The following COL9A1 variants were observed in gnomAD, a reference collection of about 807,000 sequenced individuals.
COL9A1 encodes the protein collagen alpha-1(IX) chain.
In COL9A1, 104 loss-of-function variants were observed where a neutral mutation model predicts 142.6. The ratio of observed to expected loss-of-function variants is 0.73; its 90% CI spans 0.62 to 0.86. The LOEUF is 0.86. COL9A1 is among the 40% of genes least tolerant of loss of function. COL9A1 has a pLI of 0.00. For missense variants in COL9A1, 1,210 were observed against 1,176.6 expected (o/e 1.03, Z -0.42); for synonymous variants, 466 against 396.0 (o/e 1.18, Z -2.10).
chr6:70,234,925 C>A lies in COL9A1; in HGVS notation c.2128G>T (p.Glu710Ter). The change falls in exon 34 of 38, where the codon GAA (glutamate) becomes TAA (stop). Residue 710 changes from glutamate to a stop codon, truncating the protein, a stop_gained. Coordinates refer to ENST00000357250, the MANE Select transcript of COL9A1 (RefSeq NM_001851.6). LOFTEE classifies it high-confidence loss of function. ...GPKGSAGNPG[E>*]PGLRGPEGSR... ...CCCTCAGGCCCTCTCAAGCCAGGTTCCCCAGGATTACCTGCCTGGAACACA... is the reference window on the plus strand; with the variant it reads ...CCCTCAGGCCCTCTCAAGCCAGGTTACCCAGGATTACCTGCCTGGAACACA... The A allele has an allele frequency of 6.2e-7, 1 of 1,614,154 alleles. No individual in the cohort carries two copies. The highest frequency in any genetic ancestry group is 8.5e-7 in the Non-Finnish European group (1 of 1,180,018).
At chr6:70,292,207 A>G (rs1003653497) in intron 5 of COL9A1, among the ~76,000 whole-genome samples, 1 of 152,120 alleles carries the variant, frequency 6.6e-6, no homozygotes, top group Non-Finnish European at 1.5e-5. Context: ...TATCATTGTC[A>G]CTGTCACACC....
intron 5 of COL9A1, among the ~76,000 whole-genome samples, chr6:70,288,560 C>T (rs1773541696): frequency 6.6e-6 from 1 of 152,184 alleles, no homozygotes; most frequent in Admixed American, 6.5e-5. Context: ...CACAATTTCT[C>T]AACCACATCT....
chr6:70,297,071 T>G (rs1211513362), intron 4 of COL9A1, among the ~76,000 whole-genome samples: 1 of 152,126 alleles, frequency 6.6e-6, no homozygotes, highest in Non-Finnish European at 1.5e-5. Flanking sequence ...CAACCTGAAG[T>G]TAACTGAGGG....
At chr6:70,293,061 A>C (rs1305787715) in intron 5 of COL9A1, among the ~76,000 whole-genome samples, 1 of 152,232 alleles carries the variant, frequency 6.6e-6, no homozygotes, top group Non-Finnish European at 1.5e-5. Context: ...CAATTCCATT[A>C]CTGAAATCCC....
At chr6:70,260,947 A>T in intron 19 of COL9A1, 1 of 442,584 alleles carries the variant, frequency 2.3e-6, no homozygotes. Flanking sequence ...AGTTGACAAA[A>T]TCACTTATGA....
intron 4 of COL9A1, among the ~76,000 whole-genome samples, chr6:70,298,080 C>A (rs915305840): frequency 2.0e-5 from 3 of 152,186 alleles, no homozygotes; most frequent in Admixed American, 6.5e-5. Flanking sequence ...GAGCAATTCC[C>A]ATCCCTAGTC....
intron 19 of COL9A1, chr6:70,260,953 T>A: frequency 2.3e-6 from 1 of 430,124 alleles, no homozygotes; most frequent in Middle Eastern, 6.8e-4. Context: ...CAAAATCACT[T>A]ATGACAAAAA....
chr6:70,254,665 C>T, intron 24 of COL9A1, 136 bp from the exon 25 acceptor site: 3 of 649,660 alleles, frequency 4.6e-6, no homozygotes, highest in Admixed American at 2.3e-5. Flanking sequence ...TATAAAGTGA[C>T]TTAATTTAGG....
chr6:70,291,435 A>AT (rs535262554), intron 5 of COL9A1, among the ~76,000 whole-genome samples: 124 of 151,830 alleles, frequency 8.2e-4, no homozygotes, highest in African/African-American at 2.9e-3. Flanking sequence ...GAGTGAGGAG[A>AT]TTTTTTTCTA....
At position 70,303,055 on chromosome 6, in the gene COL9A1, C is replaced by T; in HGVS notation, c.-131G>A. The T allele has an allele frequency of 1.0e-6, 1 of 969,438 alleles. No homozygotes were observed. The highest frequency in any genetic ancestry group is 1.7e-6 in the Non-Finnish European group (1 of 594,958). 60.1% of individuals were successfully genotyped at this position (969,438 alleles called of 1,614,324 possible). ...GTTCTGGGCCCAGCCTTGGTCCCTC[C>T]TGCCCCCGGTGAGGGCTAAAAGCAA... On this transcript the variant is annotated 5_prime_UTR_variant, in exon 1 of 38. Coordinates refer to ENST00000357250, the MANE Select transcript of COL9A1 (RefSeq NM_001851.6).
chr6:70,281,395 T>C lies in COL9A1; in HGVS notation c.871A>G (p.Ile291Val), dbSNP rs751935418. 1.9e-6 allele frequency: 3 copies of C among 1,611,538 alleles called. No homozygotes were observed. Among genetic ancestry groups the C allele is most frequent in the Non-Finnish European group, 2.5e-6 (3 of 1,178,954 alleles). ...GCCTGGAGATAGAAACTTACGTCGATGCCATCGATGCCTGGAACTCCAGGG... is the reference window on the plus strand; with the variant it reads ...GCCTGGAGATAGAAACTTACGTCGACGCCATCGATGCCTGGAACTCCAGGG... ...GPPGVPGIDGIDGDRGPKGPP... is the reference protein window; with the variant it reads ...GPPGVPGIDGVDGDRGPKGPP... Residue 291 changes from isoleucine (I) to valine (V), a missense_variant, in exon 8 of 38, where the codon ATC (isoleucine) becomes GTC (valine). Ile to Val is a conservative substitution (Grantham distance 29). Coordinates refer to ENST00000357250, the MANE Select transcript of COL9A1 (RefSeq NM_001851.6).
intron 5 of COL9A1, among the ~76,000 whole-genome samples, chr6:70,284,270 T>C (rs1773351122): frequency 6.6e-6 from 1 of 151,082 alleles, no homozygotes; most frequent in Admixed American, 6.6e-5. Flanking sequence ...AGATGGGAGA[T>C]TAGAGACAGA....
chr6:70,224,908 T>A (rs7761044), intron 37 of COL9A1, among the ~76,000 whole-genome samples: 33,432 of 152,126 alleles, frequency 0.22, 3,962 homozygotes, highest in Non-Finnish European at 0.27. Flanking sequence ...TTTTAAAAAA[T>A]TTTTTAATGA....
intron 35 of COL9A1, 104 bp downstream of exon 35, chr6:70,234,435 C>T: frequency 8.5e-7 from 1 of 1,172,978 alleles, no homozygotes; most frequent in Non-Finnish European, 1.3e-6. Context: ...ATCTTTAAGG[C>T]ACACAAAAAG....
intron 17 of COL9A1, among the ~76,000 whole-genome samples, chr6:70,268,182 A>C: frequency 6.6e-6 from 1 of 150,508 alleles, no homozygotes; most frequent in African/African-American, 2.4e-5. Flanking sequence ...ACCCCCTCCA[A>C]CTGCCCCCAC....
chr6:70,264,556 C>CA (rs532930431), intron 18 of COL9A1, among the ~76,000 whole-genome samples: 1 of 151,924 alleles, frequency 6.6e-6, no homozygotes, highest in Non-Finnish European at 1.5e-5. Context: ...TATTTCCCTA[C>CA]AAAAATATAA....
In COL9A1 at chr6:70,294,154, G is replaced by C. The variant is rs755023819; in HGVS notation, c.696+13C>G. ...TTGCTTTAATCTGCCATAGTGTGTG[G>C]TTTTATACTTACTGGAACAGAAACT... On this transcript the variant is annotated intron_variant, in intron 5 of 37. Transcript: ENST00000357250. The C allele has an allele frequency of 3.1e-6, 5 of 1,613,836 alleles. No individual in the cohort carries two copies. In the Admixed American group the frequency reaches 5.0e-5, roughly 16 times the overall value.
At chr6:70,283,860 A>G (rs752124734) in intron 5 of COL9A1, 40 bp from the exon 6 acceptor site, 39 of 1,439,724 alleles carry the variant, frequency 2.7e-5, no homozygotes, top group Non-Finnish European at 3.8e-5. Flanking sequence ...GGTTTTTTGG[A>G]CGACTGAAGC....
intron 5 of COL9A1, among the ~76,000 whole-genome samples, chr6:70,284,979 AC>A (rs1179903127): frequency 2.0e-5 from 3 of 152,222 alleles, no homozygotes; most frequent in African/African-American, 7.2e-5. Context: ...AATTGGAGAG[AC>A]AATGAAGAAT....
Sources: allele counts gnomAD v4.1 joint callset (sites outside exome capture counted in the v4.1 genomes callset), GRCh38; gene constraint gnomAD v4.1.1; transcripts MANE v1.5; gene names NCBI Gene and HGNC (gene_info 2026-07-23, HGNC 2026-07-21).